Variants in XXYLT1 observed in about 807,000 individuals in gnomAD.
The protein encoded by XXYLT1 is UDP-xylose:alpha-xyloside alpha-1,3-xylosyltransferase.
Under a neutral mutation model 28.9 loss-of-function variants are expected in XXYLT1, and 20 were observed. The ratio of observed to expected loss-of-function variants is 0.69; its 90% CI spans 0.49 to 1.00. The LOEUF (loss-of-function observed/expected upper bound fraction) is 1.00. XXYLT1 is among the 50% of genes least tolerant of loss of function. XXYLT1 has a pLI of 0.00. For synonymous variants in XXYLT1, 257 were observed against 253.8 expected, an observed-to-expected ratio of 1.01 and a Z score of -0.12; for missense variants, 542 against 560.1, an observed-to-expected ratio of 0.97 and a Z score of 0.33.
At chr3:195,165,635 C>T (rs1411992789) in intron 2 of XXYLT1, among the ~76,000 whole-genome samples, 1 of 152,186 alleles carries the variant, frequency 6.6e-6, no homozygotes, top group East Asian at 1.9e-4. Context: ...TACCCTGTGA[C>T]AGTTTGCAAA....
chr3:195,204,494 T>TCTCTCC (rs1722991029), intron 2 of XXYLT1, among the ~76,000 whole-genome samples: 1 of 151,852 alleles, frequency 6.6e-6, no homozygotes, highest in African/African-American at 2.4e-5. Flanking sequence ...TCTCTCTCTC[T>TCTCTCC]CTCTCTCTCT....
chr3:195,220,234 T>C lies in XXYLT1; in HGVS notation c.652+6475A>G, dbSNP rs902914846. On this transcript the variant is annotated intron_variant, in intron 2 of 3. Transcript: ENST00000310380. ...TAGGCTCACTGCAACCTCCGCCTCC[T>C]GGGTTCAAGCGATTCTCCCGCCTCA... 3.3e-5 allele frequency among the ~76,000 whole-genome samples: 5 copies of C among 152,266 alleles called. No individual in the cohort carries two copies. The East Asian group carries it at 7.7e-4, about 23-fold the overall frequency.
At chr3:195,088,094 A>T (rs1260839822) in intron 3 of XXYLT1, among the ~76,000 whole-genome samples, 1 of 151,912 alleles carries the variant, frequency 6.6e-6, no homozygotes, top group Non-Finnish European at 1.5e-5. Context: ...GCAAGGTGGC[A>T]GCGAGGCTGG....
At chr3:195,080,474 T>C (rs948877352) in intron 3 of XXYLT1, among the ~76,000 whole-genome samples, 41 of 143,002 alleles carry the variant, frequency 2.9e-4, no homozygotes, top group Admixed American at 7.8e-4. Flanking sequence ...CACATGCACC[T>C]GGCCCAGCTG....
chr3:195,106,818 T>A (rs1457904700), intron 3 of XXYLT1, among the ~76,000 whole-genome samples: 1 of 152,208 alleles, frequency 6.6e-6, no homozygotes, highest in Non-Finnish European at 1.5e-5. Flanking sequence ...CCTAAGACCC[T>A]GAGACAGAAT....
intron 2 of XXYLT1, chr3:195,184,703 G>A (rs552638252): frequency 3.6e-4 from 358 of 985,214 alleles, no homozygotes; most frequent in Non-Finnish European, 3.9e-4. Flanking sequence ...ACACACAGCC[G>A]GTAAAACTTC....
At position 195,176,581 on chromosome 3, in the gene XXYLT1, G is replaced by T. The variant is rs569382460; in HGVS notation, c.653-20000C>A. 6.6e-6 allele frequency among the ~76,000 whole-genome samples: 1 copy of T among 152,148 alleles called. No individual in the cohort carries two copies. On this transcript the variant is annotated intron_variant, in intron 2 of 3. Coordinates refer to ENST00000310380, the MANE Select transcript of XXYLT1 (RefSeq NM_152531.5). This position sits in a 1 kb window ranked among gnomAD's most constrained non-coding sequence, Gnocchi z 4.9. The stretch of plus-strand genomic sequence containing the variant: ...ACTGGTATAATTTGATTAATTTATC[G>T]TGTTTATTAAGCTCCCTAGCTTCTC...
intron 2 of XXYLT1, among the ~76,000 whole-genome samples, chr3:195,212,559 G>A (rs546661013): frequency 5.9e-5 from 9 of 152,128 alleles, no homozygotes; most frequent in Non-Finnish European, 1.0e-4. Flanking sequence ...GGTGGGAGGC[G>A]GGCCAGTGAG....
At chr3:195,234,824 G>A (rs1045437525) in intron 1 of XXYLT1, among the ~76,000 whole-genome samples, 2 of 152,042 alleles carry the variant, frequency 1.3e-5, no homozygotes, top group African/African-American at 4.8e-5. Context: ...GTTATTAAAT[G>A]CCTTGAGGTA....
At chr3:195,163,730 C>A (rs941243006) in intron 2 of XXYLT1, among the ~76,000 whole-genome samples, 1 of 152,200 alleles carries the variant, frequency 6.6e-6, no homozygotes, top group African/African-American at 2.4e-5. Flanking sequence ...GCCACATCCA[C>A]GGAGGGCATG....
In XXYLT1 at chr3:195,070,116, G is replaced by GGA. The variant is rs771616531; in HGVS notation, c.786-7_786-6dup. 1.8e-5 allele frequency: 28 copies of GGA among 1,550,064 alleles called. No homozygotes were observed. In the African/African-American group the frequency reaches 2.8e-4, roughly 16 times the overall value. ...CGGAACTGCCAGAATGTGTGCCTGT[G>GGA]GAGAGAGAGGACAGAGTTAGTCCGG... On this transcript the variant is annotated splice_polypyrimidine_tract_variant and splice_region_variant and intron_variant, in intron 3 of 3. Coordinates refer to ENST00000310380, the MANE Select transcript of XXYLT1 (RefSeq NM_152531.5).
chr3:195,110,650 G>A lies in XXYLT1; in HGVS notation c.786-40539C>T, dbSNP rs562471094. On this transcript the variant is annotated intron_variant, in intron 3 of 3. Coordinates refer to ENST00000310380, the MANE Select transcript of XXYLT1 (RefSeq NM_152531.5). ...TGTGTGGTGTGTGATGTATAAGTGTGTGTGGTGTGTTGTGTGTGGTGTATG... is the reference window on the plus strand; with the variant it reads ...TGTGTGGTGTGTGATGTATAAGTGTATGTGGTGTGTTGTGTGTGGTGTATG... Among the ~76,000 whole-genome samples, 199 of 114,204 alleles carry A rather than the reference G, an allele frequency of 1.7e-3. 46 individuals are homozygous for A. The highest frequency in any genetic ancestry group is 5.6e-3 in the African/African-American group (172 of 30,722). The allele number at this position is 114,204 out of a possible 152,430, so 74.9% of individuals were successfully genotyped here. A position where few individuals can be genotyped will look rare whatever the true frequency, so the allele number is the denominator to read the frequency against.
intron 3 of XXYLT1, 133 bp downstream of exon 3, chr3:195,156,316 C>G: frequency 6.9e-7 from 1 of 1,441,824 alleles, no homozygotes; most frequent in Non-Finnish European, 9.3e-7. Context: ...CAATAAGTAC[C>G]AATGTGTTCC....
At chr3:195,148,176 T>TA (rs1214193260) in intron 3 of XXYLT1, 1 of 152,238 alleles carries the variant, frequency 6.6e-6, no homozygotes, top group African/African-American at 2.4e-5. Context: ...CCTTTTAAAA[T>TA]ACCTTTTCCA....
chr3:195,069,835 C>A lies in XXYLT1; in HGVS notation c.1062G>T (p.Arg354=). ...LFHVLDCTWN[R]QLCTWWRDHG... Reference sequence around the variant, plus strand: ...GGTCCCTCCACCAGGTGCACAGCTGCCGGTTCCAGGTACAGTCCAGCACAT... The same window carrying A: ...GGTCCCTCCACCAGGTGCACAGCTGACGGTTCCAGGTACAGTCCAGCACAT... The change falls in exon 4 of 4, where the codon CGG becomes CGT. Residue 354 remains arginine (R), a synonymous_variant. Coordinates refer to ENST00000310380, the MANE Select transcript of XXYLT1 (RefSeq NM_152531.5). 6.2e-7 allele frequency: 1 copy of A among 1,614,192 alleles called. No homozygotes were observed. The highest frequency in any genetic ancestry group is 8.5e-7 in the Non-Finnish European group (1 of 1,180,036).
At position 195,101,276 on chromosome 3, in the gene XXYLT1, T is replaced by A. The variant is rs111533260; in HGVS notation, c.786-31165A>T. On this transcript the variant is annotated intron_variant, in intron 3 of 3. Coordinates refer to ENST00000310380, the MANE Select transcript of XXYLT1 (RefSeq NM_152531.5). Reference sequence around the variant, plus strand: ...ATTGGGAGCAATTAAGGAGAACATGTACTAGTTAATTAAACACTGTACCCC... The same window carrying A: ...ATTGGGAGCAATTAAGGAGAACATGAACTAGTTAATTAAACACTGTACCCC... 5.8e-3 allele frequency among the ~76,000 whole-genome samples: 882 copies of A among 152,392 alleles called. 5 individuals are homozygous for A. The highest frequency in any genetic ancestry group is 8.9e-3 in the Non-Finnish European group (605 of 68,042).
At chr3:195,234,838 G>A (rs1303363823) in intron 1 of XXYLT1, among the ~76,000 whole-genome samples, 3 of 152,004 alleles carry the variant, frequency 2.0e-5, no homozygotes, top group Admixed American at 6.6e-5. Context: ...TGAGGTAGAC[G>A]TCTTTGGGCT....
chr3:195,157,103 C>T (rs1463337808), intron 2 of XXYLT1, among the ~76,000 whole-genome samples: 1 of 151,942 alleles, frequency 6.6e-6, no homozygotes, highest in East Asian at 1.9e-4. Context: ...ATTAGCTGGG[C>T]GTGGTGGCAG....
chr3:195,221,857 T>C (rs1476565840), intron 2 of XXYLT1, among the ~76,000 whole-genome samples: 2 of 152,074 alleles, frequency 1.3e-5, no homozygotes, highest in African/African-American at 4.8e-5. Flanking sequence ...TGGCTGTGTC[T>C]GTGGAGGGCA....
Sources: allele counts gnomAD v4.1 joint callset (sites outside exome capture counted in the v4.1 genomes callset), GRCh38; gene constraint gnomAD v4.1.1; non-coding constraint Gnocchi (gnomAD v3.1); transcripts MANE v1.5; gene names NCBI Gene and HGNC (gene_info 2026-07-23, HGNC 2026-07-21).